HS6ST3: variants seen among roughly 807,000 people sequenced by gnomAD.
HS6ST3 encodes heparan-sulfate 6-O-sulfotransferase 3.
HS6ST3 carries 12 observed loss-of-function variants against 36.7 expected under a neutral mutation model. The ratio of observed to expected loss-of-function variants is 0.33; its 90% CI spans 0.21 to 0.53. HS6ST3 has a LOEUF of 0.53. Among genes scored for constraint, HS6ST3 ranks in the 20% least tolerant of loss-of-function variants. The pLI is 0.95. For missense variants in HS6ST3, 584 were observed against 640.9 expected, an observed-to-expected ratio of 0.91 and a Z score of 0.96; for synonymous variants, 240 against 257.5, an observed-to-expected ratio of 0.93 and a Z score of 0.65.
intron 1 of HS6ST3, among the ~76,000 whole-genome samples, chr13:96,415,845 A>G (rs1279541502): frequency 4.6e-5 from 7 of 152,216 alleles, no homozygotes. Flanking sequence ...TAAAGGGAGG[A>G]TCATATTTAT....
intron 1 of HS6ST3, among the ~76,000 whole-genome samples, chr13:96,404,903 G>A (rs1192566666): frequency 6.6e-6 from 1 of 152,186 alleles, no homozygotes; most frequent in Non-Finnish European, 1.5e-5. Flanking sequence ...AATTATGGGG[G>A]CGGATCTTTC....
intron 1 of HS6ST3, among the ~76,000 whole-genome samples, chr13:96,226,461 G>T (rs901350693): frequency 6.6e-6 from 1 of 152,012 alleles, no homozygotes; most frequent in Non-Finnish European, 1.5e-5. Context: ...CGGAGGTTGC[G>T]GTAAGCCAAG....
rs1287036818 is a variant in HS6ST3, at chr13:96,235,855, T to C, written c.707+144286T>C. Among the ~76,000 whole-genome samples, 5 of 152,078 alleles carry C rather than the reference T, an allele frequency of 3.3e-5. No individual in the cohort carries two copies. In the South Asian group the frequency reaches 6.2e-4, roughly 19 times the overall value. The stretch of plus-strand genomic sequence containing the variant: ...AGAGGGACAGAACTAATAGGCTACA[T>C]GTATATATGGAGGGGAGTTCATTAG... On this transcript the variant is annotated intron_variant, in intron 1 of 1. Transcript: ENST00000376705.
At chr13:96,712,508 G>A (rs1159535771) in intron 1 of HS6ST3, among the ~76,000 whole-genome samples, 4 of 152,130 alleles carry the variant, frequency 2.6e-5, no homozygotes, top group African/African-American at 9.7e-5. Context: ...ATTCCAGGGT[G>A]GGGGTTCAAA....
chr13:96,679,586 G>A (rs908788021), intron 1 of HS6ST3, among the ~76,000 whole-genome samples: 3 of 152,146 alleles, frequency 2.0e-5, no homozygotes, highest in Non-Finnish European at 4.4e-5. Context: ...CCAATGCAGA[G>A]CCAAAGACAG....
chr13:96,453,686 G>T (rs2055740946), intron 1 of HS6ST3, among the ~76,000 whole-genome samples: 1 of 152,098 alleles, frequency 6.6e-6, no homozygotes, highest in African/African-American at 2.4e-5. Context: ...ATTAGCTACT[G>T]GTTACTTTGC....
chr13:96,573,419 A>G (rs531740221), intron 1 of HS6ST3, among the ~76,000 whole-genome samples: 1 of 152,274 alleles, frequency 6.6e-6, no homozygotes, highest in South Asian at 2.1e-4. Flanking sequence ...ATGAAGCAGA[A>G]AGCGGAGGCA....
Position 96,221,968 on chromosome 13 carries a change from A to G in HS6ST3, c.707+130399A>G, listed in dbSNP as rs546401086. On this transcript the variant is annotated intron_variant, in intron 1 of 1. Transcript: ENST00000376705. ...AATGTTCTTTTAAGATGGTGAATTA[A>G]CTGTTATTTTAAATTTTATAATAGA... Among the ~76,000 whole-genome samples, 17 of 152,308 alleles carry G rather than the reference A, an allele frequency of 1.1e-4. 1 individual carries two copies. The South Asian group carries it at 3.5e-3, about 32-fold the overall frequency.
intron 1 of HS6ST3, among the ~76,000 whole-genome samples, chr13:96,654,908 A>G (rs1353311957): frequency 1.3e-5 from 2 of 152,072 alleles, no homozygotes. Context: ...AGTCATAACT[A>G]TTAGAAAAGA....
In HS6ST3 at chr13:96,707,627, CAGTGTGCATATTG is replaced by C. The variant is rs562094918; in HGVS notation, c.708-124855_708-124843del. 1.2e-3 allele frequency among the ~76,000 whole-genome samples: 188 copies of C among 152,282 alleles called. 1 individual carries two copies. The highest frequency in any genetic ancestry group is 6.8e-3 in the Middle Eastern group (2 of 294). On this transcript the variant is annotated intron_variant, in intron 1 of 1. Coordinates refer to ENST00000376705, the MANE Select transcript of HS6ST3 (RefSeq NM_153456.4). ...AGAAGCACTGAGGCAAACACTGTGG[CAGTGTGCATATTG>C]AGTGTGCTTCCTTCTGGCTTCTGTA...
intron 1 of HS6ST3, among the ~76,000 whole-genome samples, chr13:96,810,489 ACT>A (rs1878294852): frequency 6.6e-6 from 1 of 152,092 alleles, no homozygotes; most frequent in South Asian, 2.1e-4. Context: ...TCTATGATAG[ACT>A]CTGTGCAAAT....
At chr13:96,541,226 G>A (rs899511151) in intron 1 of HS6ST3, among the ~76,000 whole-genome samples, 13 of 151,812 alleles carry the variant, frequency 8.6e-5, no homozygotes, top group Admixed American at 6.6e-5. Context: ...TAGTAGAGAC[G>A]GGGTTTCACC....
chr13:96,705,401 A>G (rs1235916197), intron 1 of HS6ST3, among the ~76,000 whole-genome samples: 1 of 152,142 alleles, frequency 6.6e-6, no homozygotes. Flanking sequence ...TGTGATTTTT[A>G]CTCAAATTCT....
At chr13:96,660,175 C>G (rs960347035) in intron 1 of HS6ST3, among the ~76,000 whole-genome samples, 1 of 151,954 alleles carries the variant, frequency 6.6e-6, no homozygotes, top group Non-Finnish European at 1.5e-5. Context: ...TGCATTAATA[C>G]AGTATCAGAA....
chr13:96,516,021 T>C (rs192355313), intron 1 of HS6ST3, among the ~76,000 whole-genome samples: 1 of 152,196 alleles, frequency 6.6e-6, no homozygotes, highest in Admixed American at 6.5e-5. Context: ...TACACTCTAT[T>C]GTTTGTCTAG....
intron 1 of HS6ST3, among the ~76,000 whole-genome samples, chr13:96,774,950 C>T (rs963123850): frequency 6.6e-6 from 1 of 152,118 alleles, no homozygotes; most frequent in Non-Finnish European, 1.5e-5. Flanking sequence ...GGGTTACCCA[C>T]CAAGGGAAGC....
chr13:96,538,040 A>T (rs1394232069), intron 1 of HS6ST3, among the ~76,000 whole-genome samples: 2 of 152,188 alleles, frequency 1.3e-5, no homozygotes, highest in South Asian at 4.1e-4. Flanking sequence ...GTTATGCTTC[A>T]CCTATAATGG....
At chr13:96,386,348 G>C (rs1021806079) in intron 1 of HS6ST3, among the ~76,000 whole-genome samples, 12 of 152,120 alleles carry the variant, frequency 7.9e-5, no homozygotes, top group African/African-American at 2.9e-4. Context: ...CGATATACTT[G>C]CACTTCTAAA....
chr13:96,805,628 T>C (rs2138531270), intron 1 of HS6ST3, among the ~76,000 whole-genome samples: 1 of 152,342 alleles, frequency 6.6e-6, no homozygotes, highest in South Asian at 2.1e-4. Flanking sequence ...ATATCCCATC[T>C]TAAACCCTAT....
Sources: gnomAD v4.1 joint callset for allele counts (sites outside exome capture counted in the v4.1 genomes callset) on GRCh38, gnomAD v4.1.1 for gene constraint, MANE v1.5 for transcripts, NCBI Gene and HGNC (gene_info 2026-07-23, HGNC 2026-07-21) for gene names.